Variants in SLC10A7 observed in about 807,000 individuals in gnomAD.
SLC10A7 encodes sodium/bile acid cotransporter 7.
In SLC10A7, 29 loss-of-function variants were observed where a neutral mutation model predicts 43.2. That is an observed-to-expected ratio of 0.67 (90% CI 0.50 to 0.92). SLC10A7 has a LOEUF of 0.92. Among genes scored for constraint, SLC10A7 ranks in the 40% least tolerant of loss-of-function variants. The pLI is 0.00. For missense variants in SLC10A7, 295 were observed against 403.2 expected, an observed-to-expected ratio of 0.73 and a Z score of 2.30; for synonymous variants, 152 against 144.8, an observed-to-expected ratio of 1.05 and a Z score of -0.35.
At chr4:146,510,691 A>G (rs1388689404) in intron 2 of SLC10A7, among the ~76,000 whole-genome samples, 1 of 152,214 alleles carries the variant, frequency 6.6e-6, no homozygotes, top group African/African-American at 2.4e-5. Context: ...GGGATTGTTG[A>G]ACAACGTGCA....
Position 146,509,948 on chromosome 4 carries a change from T to C in SLC10A7, c.285A>G (p.Leu95=), listed in dbSNP as rs764025998. The change falls in exon 3 of 12, where the codon TTA becomes TTG. Residue 95 remains leucine (L), a synonymous_variant. Transcript: ENST00000335472. ...PATIWLFLQL[L]SITPINEWLL... is the part of the protein sequence containing the mutation. ...GCCATTCGTTGATGGGTGTGATTGA[T>C]AAAAGCTGAAGAAAAAGCCATATTG... 15 of 1,613,666 alleles carry C rather than the reference T, an allele frequency of 9.3e-6. No individual in the cohort carries two copies. The highest frequency in any genetic ancestry group is 2.2e-5 in the South Asian group (2 of 91,012).
At position 146,283,225 on chromosome 4, in the gene SLC10A7, T is replaced by G. The variant is rs1347383574; in HGVS notation, c.814A>C (p.Ile272Leu). The change falls in exon 10 of 12, where the codon ATT becomes CTT. Residue 272 changes from isoleucine to leucine, a missense_variant. Coordinates refer to ENST00000335472, the MANE Select transcript of SLC10A7 (RefSeq NM_001029998.6). ...AGGGATTTGTGTGTAGAACAGAAAATGATAGCCACTGTGTCTGCTGGTGTG... is the reference window on the plus strand; with the variant it reads ...AGGGATTTGTGTGTAGAACAGAAAAGGATAGCCACTGTGTCTGCTGGTGTG... Reference protein sequence around the residue: ...GFTPADTVAIIFCSTHKSLTL... With the variant: ...GFTPADTVAILFCSTHKSLTL... 6.2e-7 allele frequency: 1 copy of G among 1,613,270 alleles called. No homozygotes were observed. Among genetic ancestry groups the G allele is most frequent in the Non-Finnish European group, 8.5e-7 (1 of 1,179,584 alleles).
At chr4:146,271,024 C>G (rs1728859732) in intron 10 of SLC10A7, among the ~76,000 whole-genome samples, 1 of 152,120 alleles carries the variant, frequency 6.6e-6, no homozygotes, top group Non-Finnish European at 1.5e-5. Context: ...CTGATTTAGA[C>G]TTTCATATCA....
At chr4:146,350,398 C>CCCACGGAA (rs1293954381) in intron 5 of SLC10A7, among the ~76,000 whole-genome samples, 2 of 39,918 alleles carry the variant, frequency 5.0e-5, no homozygotes, top group Admixed American at 3.7e-4. Flanking sequence ...CGGAATCTCG[C>CCCACGGAA]TGATTGCTAG....
At chr4:146,380,236 G>A (rs1737514895) in intron 5 of SLC10A7, among the ~76,000 whole-genome samples, 1 of 151,860 alleles carries the variant, frequency 6.6e-6, no homozygotes, top group Non-Finnish European at 1.5e-5. Context: ...CAATAATAAT[G>A]AAGAAAAAAA....
At chr4:146,381,234 T>C (rs1737596397) in intron 5 of SLC10A7, among the ~76,000 whole-genome samples, 1 of 152,126 alleles carries the variant, frequency 6.6e-6, no homozygotes, top group Non-Finnish European at 1.5e-5. Context: ...CTTTCATCAA[T>C]AGAATGATGT....
intron 4 of SLC10A7, among the ~76,000 whole-genome samples, chr4:146,494,939 A>G (rs1359406605): frequency 6.6e-6 from 1 of 152,206 alleles, no homozygotes; most frequent in African/African-American, 2.4e-5. Context: ...GTTTTATAGC[A>G]GCTTAAAACA....
At chr4:146,390,047 G>A (rs765644321) in intron 5 of SLC10A7, among the ~76,000 whole-genome samples, 2 of 152,238 alleles carry the variant, frequency 1.3e-5, no homozygotes, top group African/African-American at 4.8e-5. Context: ...TCACTAAGGT[G>A]TGAGGGTGTG....
chr4:146,427,826 T>C (rs1401222932), intron 5 of SLC10A7, among the ~76,000 whole-genome samples: 5 of 152,178 alleles, frequency 3.3e-5, no homozygotes, highest in African/African-American at 9.7e-5. Context: ...CTGAATGGCT[T>C]GTTAGCCTGT....
chr4:146,282,051 T>A (rs747520796), intron 10 of SLC10A7, among the ~76,000 whole-genome samples: 1 of 152,178 alleles, frequency 6.6e-6, no homozygotes, highest in African/African-American at 2.4e-5. Flanking sequence ...ATGAAAAGGT[T>A]AAGGTTCAGG....
At chr4:146,383,313 G>A (rs923315437) in intron 5 of SLC10A7, among the ~76,000 whole-genome samples, 2 of 152,096 alleles carry the variant, frequency 1.3e-5, no homozygotes, top group African/African-American at 4.8e-5. Flanking sequence ...GGGAACCTAA[G>A]GACTTCCTAG....
chr4:146,305,867 A>T (rs1731533594), intron 7 of SLC10A7, 59 bp downstream of exon 7: 1 of 1,417,454 alleles, frequency 7.1e-7, no homozygotes, highest in Non-Finnish European at 9.7e-7. Context: ...CTCTGACATT[A>T]TGTAAGATTT....
intron 10 of SLC10A7, among the ~76,000 whole-genome samples, chr4:146,278,379 CTT>C (rs919233426): frequency 5.3e-5 from 8 of 152,042 alleles, no homozygotes; most frequent in African/African-American, 1.9e-4. Flanking sequence ...GAAATGCAAA[CTT>C]TTGTATTTCA....
rs536630474 is a variant in SLC10A7 at position 146,393,121 on chromosome 4, G to A, written c.435+49662C>T. On this transcript the variant is annotated intron_variant, in intron 5 of 11. Transcript: ENST00000335472. Reference sequence around the variant, plus strand: ...GTGGAATGGTCACCTGAGCACAGGAGGTAGCGGTTGCAGTGAGCTGTGATC... The same window carrying A: ...GTGGAATGGTCACCTGAGCACAGGAAGTAGCGGTTGCAGTGAGCTGTGATC... Among the ~76,000 whole-genome samples the A allele has an allele frequency of 4.8e-5, 7 of 147,338 alleles. No homozygotes were observed. The South Asian group carries it at 1.5e-3, about 32-fold the overall frequency.
chr4:146,494,103 T>A (rs1016360631), intron 4 of SLC10A7, among the ~76,000 whole-genome samples: 4 of 152,222 alleles, frequency 2.6e-5, no homozygotes, highest in Non-Finnish European at 2.9e-5. Flanking sequence ...TTACTTGATG[T>A]GTTCCCTCAT....
At chr4:146,357,111 T>C (rs965588571) in intron 5 of SLC10A7, among the ~76,000 whole-genome samples, 1 of 152,316 alleles carries the variant, frequency 6.6e-6, no homozygotes, top group Admixed American at 6.5e-5. Flanking sequence ...CTAACACTTG[T>C]TAGGCATTTA....
At chr4:146,461,776 A>G (rs2149938016) in intron 4 of SLC10A7, among the ~76,000 whole-genome samples, 1 of 149,162 alleles carries the variant, frequency 6.7e-6, no homozygotes, top group South Asian at 2.1e-4. Flanking sequence ...ATGAGAAGAA[A>G]AAAAAAAAAA....
In SLC10A7 at chr4:146,350,786, C is replaced by G. The variant is rs1228656041; in HGVS notation, c.436-24790G>C. On this transcript the variant is annotated intron_variant, in intron 5 of 11. Transcript: ENST00000335472. ...AGCAGGGGCACACTGACACCTCACA[C>G]GGCAGGGTATTCCAACAGACCTGCA... Among the ~76,000 whole-genome samples, 541 of 103,334 alleles carry G rather than the reference C, an allele frequency of 5.2e-3. 22 individuals carry two copies. Among genetic ancestry groups the G allele is most frequent in the Non-Finnish European group, 3.5e-3 (189 of 53,552 alleles). 67.8% of individuals were successfully genotyped at this position (103,334 alleles called of 152,430 possible). A position where few individuals can be genotyped will look rare whatever the true frequency, so the allele number is the denominator to read the frequency against.
intron 2 of SLC10A7, chr4:146,514,829 T>G: frequency 3.2e-6 from 1 of 315,950 alleles, no homozygotes; most frequent in Non-Finnish European, 5.8e-6. Context: ...TTAGCAGGCT[T>G]TAGAAGTGGT....
Sources: allele counts gnomAD v4.1 joint callset (sites outside exome capture counted in the v4.1 genomes callset), GRCh38; gene constraint gnomAD v4.1.1; transcripts MANE v1.5; gene names NCBI Gene and HGNC (gene_info 2026-07-23, HGNC 2026-07-21).